Variants in ZFHX3 observed in about 807,000 individuals in gnomAD.
ZFHX3 encodes the protein zinc finger homeobox 3.
In ZFHX3, 42 loss-of-function variants were observed where a neutral mutation model predicts 279.1. The observed-to-expected ratio is 0.15, with a 90% confidence interval of 0.12 to 0.19. ZFHX3 has a LOEUF of 0.19. ZFHX3 is among the 10% of genes least tolerant of loss of function. The pLI is 1.00. For missense variants in ZFHX3, 4,981 were observed against 4,754.0 expected (o/e 1.05, Z -1.40); for synonymous variants, 2,293 against 1,957.8 (o/e 1.17, Z -4.52).
intron 3 of ZFHX3, among the ~76,000 whole-genome samples, chr16:73,370,801 C>T (rs1369675858): frequency 6.6e-6 from 1 of 152,212 alleles, no homozygotes; most frequent in Non-Finnish European, 1.5e-5. Flanking sequence ...AAAAACTCAA[C>T]CAATATATGC....
chr16:73,589,756 AAAAAAAAAAAAAAAAG>A (rs1391511708), intron 2 of ZFHX3, among the ~76,000 whole-genome samples: 1 of 139,582 alleles, frequency 7.2e-6, no homozygotes, highest in Non-Finnish European at 1.5e-5. Context: ...AAAAAAAAAA[AAAAAAAAAAAAAAAAG>A]AATATACCCT....
At chr16:73,884,640 G>A (rs984147142) in intron 1 of ZFHX3, among the ~76,000 whole-genome samples, 2 of 152,148 alleles carry the variant, frequency 1.3e-5, no homozygotes, top group African/African-American at 4.8e-5. Flanking sequence ...TTCAGTGGTG[G>A]CTTTCAGAGT....
intron 1 of ZFHX3, among the ~76,000 whole-genome samples, chr16:73,753,203 G>A (rs2053776529): frequency 6.6e-6 from 1 of 152,154 alleles, no homozygotes; most frequent in Admixed American, 6.5e-5. Flanking sequence ...GTTTGAGGTA[G>A]AAGGCTGGCA....
chr16:73,597,080 T>A (rs2052058597), intron 2 of ZFHX3, among the ~76,000 whole-genome samples: 1 of 152,176 alleles, frequency 6.6e-6, no homozygotes, highest in Non-Finnish European at 1.5e-5. Context: ...TCAACCTGAA[T>A]GACTCATATT....
intron 8 of ZFHX3, among the ~76,000 whole-genome samples, chr16:73,082,615 T>C (rs1221324191): frequency 1.3e-5 from 2 of 152,130 alleles, no homozygotes; most frequent in African/African-American, 2.4e-5. Context: ...ACTTTCTTTT[T>C]TTTTGTATAA....
intron 3 of ZFHX3, among the ~76,000 whole-genome samples, chr16:72,904,378 A>C (rs987921033): frequency 4.0e-4 from 55 of 136,338 alleles, no homozygotes; most frequent in Non-Finnish European, 5.6e-4. Context: ...AAATAAATAA[A>C]TAAATAAATA....
At chr16:73,409,203 A>T (rs953219062) in intron 3 of ZFHX3, among the ~76,000 whole-genome samples, 12 of 152,204 alleles carry the variant, frequency 7.9e-5, no homozygotes, top group Admixed American at 1.3e-4. Context: ...ATAAGCCAGG[A>T]GAAAATGTCC....
At chr16:72,803,036 A>T (rs2036157047) in intron 7 of ZFHX3, among the ~76,000 whole-genome samples, 1 of 152,220 alleles carries the variant, frequency 6.6e-6, no homozygotes, top group Non-Finnish European at 1.5e-5. Context: ...TGGGAAAGTA[A>T]TAACCCAGCT....
At chr16:73,716,847 C>T (rs982629077) in intron 1 of ZFHX3, among the ~76,000 whole-genome samples, 2 of 152,102 alleles carry the variant, frequency 1.3e-5, no homozygotes, top group East Asian at 1.9e-4. Context: ...CCTACTCAGC[C>T]GGCTCGCTCT....
intron 1 of ZFHX3, among the ~76,000 whole-genome samples, chr16:73,817,000 T>C (rs766891459): frequency 6.6e-6 from 1 of 152,156 alleles, no homozygotes; most frequent in Non-Finnish European, 1.5e-5. Flanking sequence ...CCAGGAGCCA[T>C]GGGACTGGAC....
chr16:73,285,195 T>A (rs2014563772), intron 4 of ZFHX3, among the ~76,000 whole-genome samples: 1 of 152,114 alleles, frequency 6.6e-6, no homozygotes, highest in South Asian at 2.1e-4. Context: ...CTAGTTTTGG[T>A]TGGGTGGGAG....
chr16:73,018,629 A>T (rs1964189416), intron 1 of ZFHX3, among the ~76,000 whole-genome samples: 1 of 152,098 alleles, frequency 6.6e-6, no homozygotes, highest in Admixed American at 6.6e-5. Context: ...AACTCTAAAT[A>T]ATAAATGGCA....
At position 73,477,447 on chromosome 16, in the gene ZFHX3, T is replaced by C. The variant is rs145871252; in HGVS notation, c.-1546-21189A>G. Among the ~76,000 whole-genome samples the C allele has an allele frequency of 1.9e-3, 297 of 152,330 alleles. 1 individual carries two copies. The highest frequency in any genetic ancestry group is 6.5e-3 in the African/African-American group (272 of 41,574). On this transcript the variant is annotated intron_variant, in intron 2 of 17. Transcript: ENST00000641206. ...AAATGTTACCAAATAATAAAATCAA[T>C]AGTTGCAAATGTCAATTATATAATA...
At chr16:73,015,328 TGAGCCACCACACCGGCCAC>T (rs1964062489) in intron 1 of ZFHX3, 1 of 152,256 alleles carries the variant, frequency 6.6e-6, no homozygotes, top group Admixed American at 6.5e-5. Context: ...ATTACAGGCG[TGAGCCACCACACCGGCCAC>T]GAGGGCTATG....
At chr16:73,644,476 C>A (rs2052600533) in intron 2 of ZFHX3, among the ~76,000 whole-genome samples, 1 of 151,998 alleles carries the variant, frequency 6.6e-6, no homozygotes, top group Admixed American at 6.6e-5. Context: ...CCATGGTCAA[C>A]ACGGTGAAAT....
At chr16:73,784,961 T>G (rs1272030890) in intron 1 of ZFHX3, among the ~76,000 whole-genome samples, 1 of 151,882 alleles carries the variant, frequency 6.6e-6, no homozygotes, top group East Asian at 1.9e-4. Context: ...CTCTTTTAGT[T>G]GTTTCTTCTG....
At chr16:73,611,495 A>G (rs1340792856) in intron 2 of ZFHX3, among the ~76,000 whole-genome samples, 1 of 152,228 alleles carries the variant, frequency 6.6e-6, no homozygotes, top group Admixed American at 6.5e-5. Flanking sequence ...ATTTGCTGGA[A>G]AAATATTACA....
At chr16:73,343,405 C>T (rs1395289921) in intron 3 of ZFHX3, among the ~76,000 whole-genome samples, 3 of 152,136 alleles carry the variant, frequency 2.0e-5, no homozygotes, top group Non-Finnish European at 4.4e-5. Flanking sequence ...GAACATCTTG[C>T]TCCATAAAAC....
intron 3 of ZFHX3, among the ~76,000 whole-genome samples, chr16:72,898,659 G>C (rs142423681): frequency 7.9e-5 from 12 of 151,542 alleles, no homozygotes; most frequent in African/African-American, 2.4e-4. Flanking sequence ...CTCCACAAAG[G>C]AGTGTGGAGC....
Sources: gnomAD v4.1 joint callset for allele counts (sites outside exome capture counted in the v4.1 genomes callset) on GRCh38, gnomAD v4.1.1 for gene constraint, MANE v1.5 for transcripts, NCBI Gene and HGNC (gene_info 2026-07-23, HGNC 2026-07-21) for gene names.